DMD: variants seen among roughly 807,000 people sequenced by gnomAD.
The protein encoded by DMD is dystrophin, also known as mutant dystrophin.
In DMD, 63 loss-of-function variants were observed where a neutral mutation model predicts 330.1. The observed-to-expected ratio is 0.19, with a 90% CI of 0.16 to 0.24. The LOEUF is 0.24. DMD is among the 10% of genes least tolerant of loss of function. The pLI is 1.00. For missense variants in DMD, 3,344 were observed against 2,684.1 expected, an observed-to-expected ratio of 1.25 and a Z score of -5.43; for synonymous variants, 1,223 against 959.8, an observed-to-expected ratio of 1.27 and a Z score of -5.07.
At chrX:31,440,097 A>G in intron 60 of DMD, among the ~76,000 whole-genome samples, 1 of 111,325 alleles carries the variant, frequency 9.0e-6, no homozygotes, top group Non-Finnish European at 1.9e-5. Context: ...TACATGTAAA[A>G]AAGTGAAGTA....
chrX:32,142,236 C>T (rs1403954758), intron 44 of DMD, among the ~76,000 whole-genome samples: 1 of 111,628 alleles, frequency 9.0e-6, no homozygotes, highest in African/African-American at 3.3e-5. Flanking sequence ...AGACACTCTG[C>T]AAATTGTATT....
chrX:31,168,071 T>C (rs1254881619), intron 74 of DMD, among the ~76,000 whole-genome samples: 1 of 111,883 alleles, frequency 8.9e-6, no homozygotes, highest in African/African-American at 3.3e-5. Context: ...TGATGGAGGA[T>C]AGGTGGGATT....
intron 7 of DMD, among the ~76,000 whole-genome samples, chrX:32,790,265 T>A (rs1214416363): frequency 8.9e-6 from 1 of 111,928 alleles, no homozygotes; most frequent in Non-Finnish European, 1.9e-5. Flanking sequence ...AATGAGGCAC[T>A]CTATCCAGCT....
intron 19 of DMD, 72 bp from the exon 20 acceptor site, chrX:32,491,590 C>T (rs2043004300): frequency 2.0e-6 from 2 of 1,014,394 alleles, no homozygotes; most frequent in Non-Finnish European, 2.7e-6. Context: ...AAAGCCAACA[C>T]ATCCTAATTA....
At chrX:31,656,754 C>G (rs1052991869) in intron 54 of DMD, among the ~76,000 whole-genome samples, 4 of 111,618 alleles carry the variant, frequency 3.6e-5, no homozygotes, top group African/African-American at 1.3e-4. Flanking sequence ...AGAATTTTTC[C>G]AAATATCAGC....
chrX:32,853,749 CCAAT>C (rs1172409992), intron 2 of DMD, among the ~76,000 whole-genome samples: 1 of 83,549 alleles, frequency 1.2e-5, no homozygotes, highest in Non-Finnish European at 2.2e-5. Context: ...AATAAACTCT[CCAAT>C]CAAAACACAG....
chrX:33,250,326 G>C (rs1276648631), intron 1 of DMD, among the ~76,000 whole-genome samples: 1 of 108,693 alleles, frequency 9.2e-6, no homozygotes, highest in Non-Finnish European at 1.9e-5. Context: ...TAAGGAGCCT[G>C]CAACTTATTT....
At chrX:32,287,061 C>CA (rs751077556) in intron 43 of DMD, among the ~76,000 whole-genome samples, 2,403 of 107,421 alleles carry the variant, frequency 0.022, 24 homozygotes, top group Non-Finnish European at 0.035. Context: ...TTCCCCATGG[C>CA]AAAAAAAAAT....
Position 32,815,319 on chromosome X carries a change from A to T in DMD, c.530+1149T>A, listed in dbSNP as rs745788438. Among the ~76,000 whole-genome samples the T allele has an allele frequency of 1.5e-4, 16 of 107,125 alleles. No homozygotes were observed. The East Asian group carries it at 3.5e-3, about 23-fold the overall frequency. The allele number at this position is 107,125 out of a possible 115,157, so 93.0% of individuals were successfully genotyped here. A position where few individuals can be genotyped will look rare whatever the true frequency, so the allele number is the denominator to read the frequency against. ...GGTAGAGTGGTCAAAAAAAAAAAAA[A>T]ATCAAAGTGAGAAAACATAACTTGC... On this transcript the variant is annotated intron_variant, in intron 6 of 78. Transcript: ENST00000357033.
chrX:31,980,929 A>G (rs772418085), intron 44 of DMD, among the ~76,000 whole-genome samples: 2 of 111,920 alleles, frequency 1.8e-5, no homozygotes, highest in Non-Finnish European at 3.8e-5. Flanking sequence ...CATGCTAACA[A>G]TCAGGGCATC....
intron 68 of DMD, 137 bp downstream of exon 68, chrX:31,182,601 T>A (rs750011951): frequency 3.4e-6 from 2 of 595,261 alleles, no homozygotes; most frequent in Admixed American, 4.9e-5. Flanking sequence ...TGATCGATGT[T>A]CCAGCCCAAT....
At chrX:31,304,705 T>C in intron 62 of DMD, among the ~76,000 whole-genome samples, 1 of 110,755 alleles carries the variant, frequency 9.0e-6, no homozygotes, top group Non-Finnish European at 1.9e-5. Flanking sequence ...AATTCATTAA[T>C]ACATTTGCCT....
rs1276917391 is a variant in DMD at position 31,559,596 on chromosome X, G to A, written c.8218-52143C>T. 6.8e-4 allele frequency among the ~76,000 whole-genome samples: 42 copies of A among 61,322 alleles called. 4 individuals are homozygous for A. The highest frequency in any genetic ancestry group is 3.2e-3 in the African/African-American group (34 of 10,672). 53.3% of individuals were successfully genotyped at this position (61,322 alleles called of 115,157 possible). On this transcript the variant is annotated intron_variant, in intron 55 of 78. Coordinates refer to ENST00000357033, the MANE Select transcript of DMD (RefSeq NM_004006.3). Reference sequence around the variant, plus strand: ...GCGGAGCTTGCAGTGAGTCGAGATCGCGCCACTGCACTCCAGCCTGGGCGA... The same window carrying A: ...GCGGAGCTTGCAGTGAGTCGAGATCACGCCACTGCACTCCAGCCTGGGCGA...
At chrX:32,596,890 C>T (rs1434878953) in intron 12 of DMD, among the ~76,000 whole-genome samples, 1 of 111,049 alleles carries the variant, frequency 9.0e-6, no homozygotes. Context: ...TTCCCTTCCG[C>T]TCAAACTACA....
chrX:31,249,478 C>T (rs2049136952), intron 63 of DMD, among the ~76,000 whole-genome samples: 1 of 111,718 alleles, frequency 9.0e-6, no homozygotes, highest in East Asian at 2.8e-4. Context: ...CTCCTGACCT[C>T]AGGTGATCCA....
intron 1 of DMD, among the ~76,000 whole-genome samples, chrX:33,071,138 C>T: frequency 9.0e-6 from 1 of 111,111 alleles, no homozygotes; most frequent in East Asian, 2.8e-4. Context: ...CCTCTTTGTG[C>T]TCAGTTTCCT....
At position 32,638,140 on chromosome X, in the gene DMD, ACTT is replaced by A. The variant is rs756674015; in HGVS notation, c.1331+5989_1331+5991del. Among the ~76,000 whole-genome samples, 13 of 111,604 alleles carry A rather than the reference ACTT, an allele frequency of 1.2e-4. No homozygotes were observed. The South Asian group carries it at 1.9e-3, about 16-fold the overall frequency. Reference sequence around the variant, plus strand: ...ACGTTATCATCTATAAATAATTCCTACTTCTTATTAGTCCAATAGCTTAATTAT... The same window carrying A: ...ACGTTATCATCTATAAATAATTCCTACTTATTAGTCCAATAGCTTAATTAT... On this transcript the variant is annotated intron_variant, in intron 11 of 78. Coordinates refer to ENST00000357033, the MANE Select transcript of DMD (RefSeq NM_004006.3).
In DMD at chrX:32,483,146, C is replaced by CATATAT. The variant is rs201134649; in HGVS notation, c.2803+1767_2803+1772dup. ...ATTTCATATGCTACATTTTTCATTC[C>CATATAT]ATATATATATATATATATACACCAT... On this transcript the variant is annotated intron_variant, in intron 21 of 78. Transcript: ENST00000357033. Among the ~76,000 whole-genome samples the CATATAT allele has an allele frequency of 9.0e-3, 354 of 39,278 alleles. 19 individuals are homozygous for CATATAT. Among genetic ancestry groups the CATATAT allele is most frequent in the African/African-American group, 0.022 (340 of 15,793 alleles). 34.1% of individuals were successfully genotyped at this position (39,278 alleles called of 115,157 possible).
chrX:32,990,172 C>A (rs1227342515), intron 2 of DMD, among the ~76,000 whole-genome samples: 1 of 111,690 alleles, frequency 9.0e-6, no homozygotes, highest in Non-Finnish European at 1.9e-5. Flanking sequence ...TGTTTGGGGA[C>A]TTCTTTGCCT....
Sources: gnomAD v4.1 joint callset for allele counts (sites outside exome capture counted in the v4.1 genomes callset) on GRCh38, gnomAD v4.1.1 for gene constraint, MANE v1.5 for transcripts, NCBI Gene and HGNC (gene_info 2026-07-23, HGNC 2026-07-21) for gene names.